Variants in SNX5 observed in about 807,000 individuals in gnomAD.
The protein encoded by SNX5 is sorting nexin 5, also known as sorting nexin-5.
In SNX5, 31 loss-of-function variants were observed where a neutral mutation model predicts 53.9. The ratio of observed to expected loss-of-function variants is 0.58; its 90% CI spans 0.43 to 0.78. The LOEUF (loss-of-function observed/expected upper bound fraction) is 0.78, where lower values mean the gene tolerates loss of function less well. Ranked by LOEUF, SNX5 falls within the 30% of genes least tolerant of loss-of-function variation. The pLI is 0.00. For synonymous variants in SNX5, 168 were observed against 171.1 expected (o/e 0.98, Z 0.14); for missense variants, 471 against 478.8 (o/e 0.98, Z 0.15).
At chr20:17,958,263 TAAG>T (rs1293364769) in intron 1 of SNX5, among the ~76,000 whole-genome samples, 1 of 152,174 alleles carries the variant, frequency 6.6e-6, no homozygotes, top group Non-Finnish European at 1.5e-5. Context: ...AGATTACAAT[TAAG>T]AAGATGAGGT....
rs748179170 is a variant in SNX5 at position 17,947,508 on chromosome 20, T to G, written c.1056A>C (p.Gln352His). The part of the protein sequence containing the change: ...HQQECCQKFE[Q>H]LSESAKEELI... ...AACCTTCTTTTGCAGATTCGGAAAG[T>G]TGTTCAAATTTCTGGCAGCACTCCT... The change falls in exon 11 of 13, where the codon CAA becomes CAC. Residue 352 changes from glutamine (Q) to histidine (H), a missense_variant. Physicochemically the swap from Gln to His is conservative, Grantham distance 24. Transcript: ENST00000377759. 3.7e-6 allele frequency: 6 copies of G among 1,613,504 alleles called. No homozygotes were observed. Among genetic ancestry groups the G allele is most frequent in the Non-Finnish European group, 4.2e-6 (5 of 1,179,676 alleles).
At chr20:17,945,950 G>A (rs539033884) in intron 11 of SNX5, among the ~76,000 whole-genome samples, 1 of 152,078 alleles carries the variant, frequency 6.6e-6, no homozygotes, top group Non-Finnish European at 1.5e-5. Flanking sequence ...CGCGTTAGGG[G>A]GTTGGGATTG....
chr20:17,952,622 G>C lies in SNX5; in HGVS notation c.478C>G (p.Arg160Gly), dbSNP rs562671037. ...LSSHPVLSKD[R>G]NFHVFLEYDQ... ...TATTCCAGGAAAACATGAAAGTTGC[G>C]ATCTTTACTGAGAACAGGGTGAGAA... Residue 160 changes from arginine to glycine, a missense_variant, in exon 5 of 13, where the codon CGC becomes GGC. By Grantham distance (125) the Arg-to-Gly change is moderately radical (BLOSUM62 -2). Coordinates refer to ENST00000377759, the MANE Select transcript of SNX5 (RefSeq NM_014426.4). The C allele has an allele frequency of 5.0e-6, 8 of 1,613,942 alleles. No individual in the cohort carries two copies. Among genetic ancestry groups the C allele is most frequent in the Non-Finnish European group, 6.8e-6 (8 of 1,179,972 alleles).
chr20:17,952,655 G>A lies in SNX5; in HGVS notation c.445C>T (p.Arg149Trp), dbSNP rs775618449. The change falls in exon 5 of 13, where the codon CGG becomes TGG. Residue 149 changes from arginine (R) to tryptophan (W), a missense_variant. Transcript: ENST00000377759. Reference sequence around the variant, plus strand: ...CTGAGAACAGGGTGAGAAGAAAGCCGCTGAAGAAAGACTTCATGGGAGGAC... The same window carrying A: ...CTGAGAACAGGGTGAGAAGAAAGCCACTGAAGAAAGACTTCATGGGAGGAC... The part of the protein sequence containing the change: ...TVSSHEVFLQ[R>W]LSSHPVLSKD... 87 of 1,613,904 alleles carry A rather than the reference G, an allele frequency of 5.4e-5. No homozygotes were observed. Among genetic ancestry groups the A allele is most frequent in the Non-Finnish European group, 6.9e-5 (81 of 1,179,944 alleles).
intron 1 of SNX5, chr20:17,961,716 CTA>C (rs1274293354): frequency 2.0e-6 from 2 of 985,284 alleles, no homozygotes; most frequent in African/African-American, 1.7e-5. Context: ...CTCTTTCAAA[CTA>C]TCTGTTCCTA....
At chr20:17,960,990 T>A (rs1271706841) in intron 1 of SNX5, 1 of 289,658 alleles carries the variant, frequency 3.5e-6, no homozygotes, top group Non-Finnish European at 5.1e-6. Context: ...CAATACGGAT[T>A]ATAATCAGCC....
chr20:17,949,089 A>G lies in SNX5; in HGVS notation c.806T>C (p.Val269Ala). 1 of 1,613,290 alleles carries G rather than the reference A, an allele frequency of 6.2e-7. No homozygotes were observed. The highest frequency in any genetic ancestry group is 8.5e-7 in the Non-Finnish European group (1 of 1,179,668). The change falls in exon 9 of 13, where the codon GTT becomes GCT. Residue 269 changes from valine (V) to alanine (A), a missense_variant. By Grantham distance (64) the Val-to-Ala change is moderately conservative. Transcript: ENST00000377759. ...PTVIKKYLLK[V>A]AELFEKLRKV... ...CCTTAGTTTTTCAAATAGCTCAGCA[A>G]CCTTCAATAGGTACCTGGAAATGTA...
At chr20:17,961,588 A>AT in intron 1 of SNX5, 1 of 971,334 alleles carries the variant, frequency 1.0e-6, no homozygotes, top group Non-Finnish European at 1.2e-6. Context: ...CTATTTGAAT[A>AT]TCCCACATAA....
At chr20:17,967,343 C>CAA (rs11471715) in intron 1 of SNX5, among the ~76,000 whole-genome samples, 37,839 of 146,540 alleles carry the variant, frequency 0.26, 5,225 homozygotes, top group East Asian at 0.43. Flanking sequence ...AAAGAACTTT[C>CAA]AAAAAAAAAA....
At position 17,950,195 on chromosome 20, in the gene SNX5, T is replaced by C. The variant is rs1274696039; in HGVS notation, c.728A>G (p.Asp243Gly). ...TAAGCAGGCTGCGGTGTGGATATAG[T>C]CATCGGCAACATCTGCAGAAACAAG... The part of the protein sequence containing the change: ...MTRSHKNVAD[D>G]YIHTAACLHS... Residue 243 changes from aspartate to glycine, a missense_variant, in exon 8 of 13, where the codon GAC becomes GGC. By Grantham distance (94) the Asp-to-Gly change is moderately conservative (BLOSUM62 -1). Coordinates refer to ENST00000377759, the MANE Select transcript of SNX5 (RefSeq NM_014426.4). The C allele has an allele frequency of 6.2e-7, 1 of 1,614,194 alleles. No individual in the cohort carries two copies.
chr20:17,953,946 C>G, intron 4 of SNX5, 50 bp downstream of exon 4: 12 of 1,485,566 alleles, frequency 8.1e-6, no homozygotes, highest in Non-Finnish European at 1.1e-5. Flanking sequence ...GTACACAGCA[C>G]CACTTTTCTA....
chr20:17,945,833 A>G (rs1036192914), intron 11 of SNX5, among the ~76,000 whole-genome samples: 12 of 152,222 alleles, frequency 7.9e-5, no homozygotes, highest in Non-Finnish European at 1.6e-4. Context: ...AGGTAGCTTC[A>G]AACATGTTGA....
In SNX5 at chr20:17,968,362, G is replaced by C. The variant is rs2035603587; in HGVS notation, c.51+13C>G. ...GCCGCCCGCCCAGGAGTCTGAGGCT[G>C]GGAGGACCTCACCTTGCTGCGGTCC... On this transcript the variant is annotated intron_variant, in intron 1 of 12. Transcript: ENST00000377759. The C allele has an allele frequency of 3.9e-6, 5 of 1,267,888 alleles. No individual in the cohort carries two copies. The South Asian group carries it at 1.7e-4, about 44-fold the overall frequency. 78.5% of individuals were successfully genotyped at this position (1,267,888 alleles called of 1,614,324 possible). A position where few individuals can be genotyped will look rare whatever the true frequency, so the allele number is the denominator to read the frequency against.
At position 17,947,814 on chromosome 20, in the gene SNX5, T is replaced by C. The variant is rs113169739; in HGVS notation, c.919-169A>G. ...GCTTCGCAGGGATGAGCAATGCTGATAGCTTTGTTGAGAGCTTTTTTTAGA... is the reference window on the plus strand; with the variant it reads ...GCTTCGCAGGGATGAGCAATGCTGACAGCTTTGTTGAGAGCTTTTTTTAGA... On this transcript the variant is annotated intron_variant, in intron 10 of 12. Transcript: ENST00000377759. Among the ~76,000 whole-genome samples the C allele has an allele frequency of 1.0e-2, 1,516 of 152,354 alleles. 23 individuals are homozygous for C. The highest frequency in any genetic ancestry group is 0.035 in the African/African-American group (1,450 of 41,574).
At chr20:17,959,448 A>G (rs1168439125) in intron 1 of SNX5, among the ~76,000 whole-genome samples, 1 of 147,500 alleles carries the variant, frequency 6.8e-6, no homozygotes, top group Non-Finnish European at 1.5e-5. Flanking sequence ...CAACCACAGC[A>G]TATCAAACAT....
intron 4 of SNX5, among the ~76,000 whole-genome samples, 157 bp from the exon 5 acceptor site, chr20:17,952,867 C>A (rs910900): frequency 0.57 from 86,565 of 152,014 alleles, 24,968 homozygotes; most frequent in East Asian, 0.66. Context: ...TAGTTAGATA[C>A]TAAGGCAGTT....
At chr20:17,961,321 G>A (rs1038441983) in intron 1 of SNX5, 1 of 985,244 alleles carries the variant, frequency 1.0e-6, no homozygotes. Flanking sequence ...AAGGGCACCT[G>A]GATGACTGAA....
chr20:17,944,764 CT>C (rs906995568), intron 11 of SNX5: 2 of 152,212 alleles, frequency 1.3e-5, no homozygotes, highest in African/African-American at 4.8e-5. Context: ...CCAGGATGGT[CT>C]CGATCTCCTG....
chr20:17,962,116 T>C (rs1212695167), intron 1 of SNX5: 4 of 369,810 alleles, frequency 1.1e-5, no homozygotes, highest in Non-Finnish European at 1.5e-5. Flanking sequence ...TACCTATCTG[T>C]GTTCAATCTC....
Sources: allele counts gnomAD v4.1 joint callset (sites outside exome capture counted in the v4.1 genomes callset), GRCh38; gene constraint gnomAD v4.1.1; transcripts MANE v1.5; gene names NCBI Gene and HGNC (gene_info 2026-07-23, HGNC 2026-07-21).